Variants in BABAM2 observed in about 807,000 individuals in gnomAD.
BABAM2 encodes BRISC and BRCA1 A complex member 2.
A neutral mutation model predicts 54.7 loss-of-function variants in BABAM2; 31 were observed. The ratio of observed to expected loss-of-function variants is 0.57; its 90% CI spans 0.43 to 0.77. The LOEUF (loss-of-function observed/expected upper bound fraction) is 0.77. Ranked by LOEUF, BABAM2 falls within the 30% of genes least tolerant of loss-of-function variation. BABAM2 has a pLI of 0.00. For missense variants in BABAM2, 364 were observed against 455.8 expected, an observed-to-expected ratio of 0.80 and a Z score of 1.83; for synonymous variants, 167 against 162.9, an observed-to-expected ratio of 1.03 and a Z score of -0.19.
intron 3 of BABAM2, among the ~76,000 whole-genome samples, chr2:27,932,179 C>G (rs1453126159): frequency 6.6e-6 from 1 of 152,152 alleles, no homozygotes; most frequent in Non-Finnish European, 1.5e-5. Context: ...TTCTATTCCT[C>G]TTTCTACCCT....
chr2:28,186,966 C>T (rs748570181), intron 7 of BABAM2, among the ~76,000 whole-genome samples: 4 of 152,048 alleles, frequency 2.6e-5, no homozygotes, highest in African/African-American at 4.8e-5. Context: ...CCAACAAGCC[C>T]GGCTAATTTT....
rs1397880078 is a variant in BABAM2 at position 28,322,955 on chromosome 2, A to G, written c.1089-15495A>G. ...TATCCCCACATACCTCTGAGCAGAA[A>G]AGAAAGCCAGCCCAAGGCAGGAATT... is the stretch of plus-strand genomic sequence containing the variant. On this transcript the variant is annotated intron_variant, in intron 11 of 11. Coordinates refer to ENST00000379624, the MANE Select transcript of BABAM2 (RefSeq NM_199191.3). The surrounding 1 kb of genome is among the most constrained non-coding windows in gnomAD (Gnocchi z 4.1). Among the ~76,000 whole-genome samples, 2 of 152,230 alleles carry G rather than the reference A, an allele frequency of 1.3e-5. No individual in the cohort carries two copies. The highest frequency in any genetic ancestry group is 2.4e-5 in the African/African-American group (1 of 41,464).
intron 11 of BABAM2, among the ~76,000 whole-genome samples, chr2:28,306,431 G>A (rs1688525698): frequency 6.6e-6 from 1 of 151,796 alleles, no homozygotes; most frequent in Non-Finnish European, 1.5e-5. Flanking sequence ...GAATTGTTAG[G>A]TCTTCTCAAT....
At chr2:28,311,260 C>CAA (rs11309935) in intron 11 of BABAM2, among the ~76,000 whole-genome samples, 8 of 110,494 alleles carry the variant, frequency 7.2e-5, no homozygotes, top group South Asian at 2.9e-4. Context: ...GACCCTGTCT[C>CAA]AAAAAAAAAA....
intron 3 of BABAM2, among the ~76,000 whole-genome samples, chr2:27,948,735 C>T (rs1258530559): frequency 6.6e-6 from 1 of 152,092 alleles, no homozygotes; most frequent in Non-Finnish European, 1.5e-5. Flanking sequence ...CACGCCACTG[C>T]ACTCCAGCCT....
At chr2:28,230,238 A>G (rs1016147889) in intron 7 of BABAM2, among the ~76,000 whole-genome samples, 2 of 152,040 alleles carry the variant, frequency 1.3e-5, no homozygotes, top group African/African-American at 4.8e-5. Flanking sequence ...CGTCTTTCTG[A>G]TCTCCTTTTA....
chr2:28,199,958 A>G (rs1466804607), intron 7 of BABAM2, among the ~76,000 whole-genome samples: 1 of 152,190 alleles, frequency 6.6e-6, no homozygotes, highest in Non-Finnish European at 1.5e-5. Context: ...ACCCCTATTC[A>G]TTTTGAATGT....
intron 6 of BABAM2, among the ~76,000 whole-genome samples, chr2:28,098,495 A>G (rs1558332995): frequency 2.0e-5 from 3 of 152,218 alleles, no homozygotes; most frequent in Non-Finnish European, 4.4e-5. Flanking sequence ...GAGCTATGAC[A>G]TATATCAAAT....
At position 28,112,150 on chromosome 2, in the gene BABAM2, C is replaced by CTTTCT. The variant is rs1558346816; in HGVS notation, c.571-17121_571-17120insTTTCT. Among the ~76,000 whole-genome samples, 6 of 1,866 alleles carry CTTTCT rather than the reference C, an allele frequency of 3.2e-3. 1 individual carries two copies. Among genetic ancestry groups the CTTTCT allele is most frequent in the African/African-American group, 6.6e-3 (3 of 452 alleles). 1.2% of individuals were successfully genotyped at this position (1,866 alleles called of 152,430 possible). A position where few individuals can be genotyped will look rare whatever the true frequency, so the allele number is the denominator to read the frequency against. ...CTTTCTTTCTTTCTTTCTTTCTTTA[C>CTTTCT]CTCCCTCCCTCCCTCCCTCCCTCCC... On this transcript the variant is annotated intron_variant, in intron 6 of 11. Coordinates refer to ENST00000379624, the MANE Select transcript of BABAM2 (RefSeq NM_199191.3).
Position 28,109,312 on chromosome 2 carries a change from C to T in BABAM2, c.571-19959C>T, listed in dbSNP as rs551328871. Among the ~76,000 whole-genome samples, 12 of 151,196 alleles carry T rather than the reference C, an allele frequency of 7.9e-5. No individual in the cohort carries two copies. The South Asian group carries it at 2.5e-3, about 32-fold the overall frequency. On this transcript the variant is annotated intron_variant, in intron 6 of 11. Coordinates refer to ENST00000379624, the MANE Select transcript of BABAM2 (RefSeq NM_199191.3). ...CATGCCATTCTCCTGCCTCAGCTTCCCAAGTAGCTGGGACTACAGGCGCCC... is the reference window on the plus strand; with the variant it reads ...CATGCCATTCTCCTGCCTCAGCTTCTCAAGTAGCTGGGACTACAGGCGCCC...
intron 6 of BABAM2, among the ~76,000 whole-genome samples, chr2:28,088,048 C>T (rs533082218): frequency 6.6e-6 from 1 of 152,280 alleles, no homozygotes; most frequent in African/African-American, 2.4e-5. Context: ...TGAAAATAGT[C>T]CACTACAAAA....
intron 3 of BABAM2, among the ~76,000 whole-genome samples, chr2:27,966,892 G>A (rs1670879490): frequency 6.6e-6 from 1 of 152,110 alleles, no homozygotes; most frequent in Non-Finnish European, 1.5e-5. Flanking sequence ...ACTAGTTGTA[G>A]GATAGAAATA....
intron 11 of BABAM2, among the ~76,000 whole-genome samples, chr2:28,318,200 A>C (rs1689726694): frequency 6.6e-6 from 1 of 152,174 alleles, no homozygotes; most frequent in South Asian, 2.1e-4. Flanking sequence ...AATGACCCTG[A>C]CTGTGAAGGA....
intron 7 of BABAM2, among the ~76,000 whole-genome samples, chr2:28,150,291 A>G (rs1671900154): frequency 6.6e-6 from 1 of 152,198 alleles, no homozygotes; most frequent in African/African-American, 2.4e-5. Flanking sequence ...CTCTGATTCC[A>G]AGTCTCATGT....
At chr2:28,250,339 T>TA (rs1553349940) in intron 10 of BABAM2, among the ~76,000 whole-genome samples, 8 of 149,598 alleles carry the variant, frequency 5.3e-5, no homozygotes, top group Non-Finnish European at 1.5e-5. Context: ...TTTTTTTTTT[T>TA]AGCTATCTAA....
At chr2:27,925,246 G>T (rs1489104941) in intron 2 of BABAM2, among the ~76,000 whole-genome samples, 2 of 152,042 alleles carry the variant, frequency 1.3e-5, no homozygotes, top group African/African-American at 4.8e-5. Context: ...GGCCCTTATA[G>T]ATTGGCTAGC....
At chr2:27,929,972 C>T in intron 3 of BABAM2, 64 bp downstream of exon 3, 1 of 1,455,774 alleles carries the variant, frequency 6.9e-7, no homozygotes, top group South Asian at 1.2e-5. Context: ...GGACTTTGTG[C>T]TTTAGTTTTC....
chr2:28,204,021 A>G (rs1678564306), intron 7 of BABAM2, among the ~76,000 whole-genome samples: 1 of 152,112 alleles, frequency 6.6e-6, no homozygotes, highest in South Asian at 2.1e-4. Flanking sequence ...TTTAATTTGT[A>G]TTTCTCTGAT....
In BABAM2 at chr2:28,142,932, A is replaced by G. The variant is rs1671184637; in HGVS notation, c.680+13552A>G. 5.9e-5 allele frequency among the ~76,000 whole-genome samples: 9 copies of G among 151,982 alleles called. No individual in the cohort carries two copies. The South Asian group carries it at 1.9e-3, about 32-fold the overall frequency. Reference sequence around the variant, plus strand: ...AACCCTTCAGAATATTTGTGTGTAGATAGATATTTTGGTGATTGGTCTTTG... The same window carrying G: ...AACCCTTCAGAATATTTGTGTGTAGGTAGATATTTTGGTGATTGGTCTTTG... On this transcript the variant is annotated intron_variant, in intron 7 of 11. Coordinates refer to ENST00000379624, the MANE Select transcript of BABAM2 (RefSeq NM_199191.3).
Sources: gnomAD v4.1 joint callset for allele counts (sites outside exome capture counted in the v4.1 genomes callset) on GRCh38, gnomAD v4.1.1 for gene constraint, Gnocchi (gnomAD v3.1) non-coding constraint, MANE v1.5 for transcripts, NCBI Gene and HGNC (gene_info 2026-07-23, HGNC 2026-07-21) for gene names.